Variants in METTL15 observed in about 807,000 individuals in gnomAD.
The protein encoded by METTL15 is methyltransferase 15, mitochondrial 12S rRNA N4-cytidine.
In METTL15, 34 loss-of-function variants were observed where a neutral mutation model predicts 38.3. The ratio of observed to expected loss-of-function variants is 0.89; its 90% CI spans 0.68 to 1.18. The LOEUF (loss-of-function observed/expected upper bound fraction) is 1.18, where lower values mean the gene tolerates loss of function less well. Among genes scored for constraint, METTL15 ranks in the 50% most tolerant of loss-of-function variants. The probability of loss-of-function intolerance (pLI) is 0.00; values close to 1 mark genes in which losing one functional copy is unlikely to be tolerated. For missense variants in METTL15, 438 were observed against 498.4 expected (o/e 0.88, Z 1.15); for synonymous variants, 162 against 170.9 (o/e 0.95, Z 0.41).
At chr11:28,211,016 G>A (rs1255837113) in intron 3 of METTL15, 46 bp from the exon 4 acceptor site, 11 of 1,563,620 alleles carry the variant, frequency 7.0e-6, no homozygotes, top group South Asian at 1.2e-5. Context: ...TCAAGAATAA[G>A]TTTTGTTTAT....
At chr11:28,427,751 T>C (rs989754715) in intron 6 of METTL15, among the ~76,000 whole-genome samples, 21 of 152,338 alleles carry the variant, frequency 1.4e-4, no homozygotes, top group African/African-American at 4.6e-4. Flanking sequence ...TGTTGGTGTA[T>C]AGGAATGCTA....
intron 6 of METTL15, among the ~76,000 whole-genome samples, chr11:28,303,506 A>G (rs1442058966): frequency 6.6e-6 from 1 of 152,164 alleles, no homozygotes; most frequent in Non-Finnish European, 1.5e-5. Context: ...TAAACAATCA[A>G]AAGGTGACAG....
chr11:28,333,778 T>C (rs897935048), downstream of METTL15, among the ~76,000 whole-genome samples: 1 of 151,946 alleles, frequency 6.6e-6, no homozygotes, highest in East Asian at 1.9e-4. Context: ...AAATTCATTG[T>C]AGTAAACTAT....
In METTL15 at chr11:28,317,179, C is replaced by T. The variant is rs117901262; in HGVS notation, c.779-13217C>T. On this transcript the variant is annotated intron_variant, in intron 6 of 6. Coordinates refer to ENST00000407364, the MANE Select transcript of METTL15 (RefSeq NM_001113528.2). ...AAATCTCAACCACCCATAGTGAGATCGTGTTGTCATCAGACTTAACCTGGT... is the reference window on the plus strand; with the variant it reads ...AAATCTCAACCACCCATAGTGAGATTGTGTTGTCATCAGACTTAACCTGGT... 3.5e-3 allele frequency among the ~76,000 whole-genome samples: 533 copies of T among 151,902 alleles called. 2 individuals are homozygous for T. The highest frequency in any genetic ancestry group is 0.033 in the East Asian group (170 of 5,134).
At chr11:28,388,214 C>A (rs1050818541) in intron 5 of METTL15, among the ~76,000 whole-genome samples, 2 of 151,912 alleles carry the variant, frequency 1.3e-5, no homozygotes, top group African/African-American at 2.4e-5. Context: ...TTAGCCAGAG[C>A]AGTTAACCAA....
chr11:28,431,808 G>GAAAAAAAAAAAAAAAAAAAAAAA (rs1186274147), intron 6 of METTL15, among the ~76,000 whole-genome samples: 2 of 87,076 alleles, frequency 2.3e-5, no homozygotes, highest in Non-Finnish European at 4.4e-5. Context: ...AAAAAAAAAA[G>GAAAAAAAAAAAAAAAAAAAAAAA]AAAAAAAAAA....
chr11:28,384,571 AC>A (rs1850421598), intron 5 of METTL15, among the ~76,000 whole-genome samples: 2 of 152,032 alleles, frequency 1.3e-5, no homozygotes, highest in South Asian at 4.2e-4. Context: ...TGGCCTCCCA[AC>A]GTGCTGTGGT....
intron 6 of METTL15, among the ~76,000 whole-genome samples, chr11:28,467,279 A>T (rs1851265030): frequency 6.6e-6 from 1 of 152,190 alleles, no homozygotes; most frequent in Non-Finnish European, 1.5e-5. Context: ...GTGGCAACAG[A>T]AACATTTGAG....
chr11:28,175,272 T>C (rs1185824547), intron 3 of METTL15, among the ~76,000 whole-genome samples: 2 of 128,936 alleles, frequency 1.6e-5, no homozygotes, highest in Non-Finnish European at 3.2e-5. Flanking sequence ...ACAAAGGACA[T>C]GAACTCATCT....
chr11:28,373,862 C>A (rs1850274360), intron 5 of METTL15, among the ~76,000 whole-genome samples: 1 of 152,100 alleles, frequency 6.6e-6, no homozygotes, highest in Non-Finnish European at 1.5e-5. Flanking sequence ...AGGAAGGGAT[C>A]CAGTTTCAGC....
intron 4 of METTL15, among the ~76,000 whole-genome samples, chr11:28,288,778 A>G (rs938625686): frequency 6.6e-6 from 1 of 152,156 alleles, no homozygotes; most frequent in African/African-American, 2.4e-5. Flanking sequence ...AAGTTTGCCT[A>G]TATAACAAAC....
chr11:28,192,940 A>G (rs924010850), intron 3 of METTL15, among the ~76,000 whole-genome samples: 7 of 152,046 alleles, frequency 4.6e-5, no homozygotes, highest in Non-Finnish European at 7.4e-5. Context: ...ATGTGTGTAG[A>G]CTTTTTCATA....
chr11:28,466,322 C>A (rs1046865368), intron 6 of METTL15, among the ~76,000 whole-genome samples: 2 of 152,096 alleles, frequency 1.3e-5, no homozygotes, highest in African/African-American at 4.8e-5. Flanking sequence ...AGGTTTCCAC[C>A]AAAACTTTTC....
At chr11:28,369,918 C>G (rs1850225565) in intron 5 of METTL15, among the ~76,000 whole-genome samples, 1 of 152,058 alleles carries the variant, frequency 6.6e-6, no homozygotes. Context: ...GTGCATAAAT[C>G]ACTTTTGAAA....
chr11:28,414,966 A>G (rs1284376744), intron 5 of METTL15, among the ~76,000 whole-genome samples: 1 of 152,236 alleles, frequency 6.6e-6, no homozygotes, highest in African/African-American at 2.4e-5. Flanking sequence ...GACTAACTGT[A>G]GAAGATTCCT....
intron 3 of METTL15, among the ~76,000 whole-genome samples, chr11:28,114,305 T>C (rs1851851567): frequency 6.6e-6 from 1 of 152,224 alleles, no homozygotes; most frequent in Non-Finnish European, 1.5e-5. Flanking sequence ...TGCATGTATC[T>C]GTACTTGGTT....
intron 5 of METTL15, chr11:28,398,737 G>C (rs1850599881): frequency 6.6e-6 from 1 of 152,128 alleles, no homozygotes; most frequent in Admixed American, 6.6e-5. Flanking sequence ...TAGTCATGAA[G>C]TCTTTGCCCA....
At chr11:28,419,273 C>A (rs1370495427) in intron 5 of METTL15, among the ~76,000 whole-genome samples, 1 of 152,202 alleles carries the variant, frequency 6.6e-6, no homozygotes, top group Non-Finnish European at 1.5e-5. Context: ...ACCTCTCCCC[C>A]AGCTCCAGGC....
chr11:28,252,815 G>C (rs913660577), intron 4 of METTL15, among the ~76,000 whole-genome samples: 51 of 151,922 alleles, frequency 3.4e-4, no homozygotes, highest in Non-Finnish European at 1.2e-4. Context: ...AGTTGTCCAC[G>C]TCCACTCCCT....
Sources: allele counts gnomAD v4.1 joint callset (sites outside exome capture counted in the v4.1 genomes callset), GRCh38; gene constraint gnomAD v4.1.1; transcripts MANE v1.5; gene names NCBI Gene and HGNC (gene_info 2026-07-23, HGNC 2026-07-21).